Variants in TSPAN2 observed in about 807,000 individuals in gnomAD.
The protein encoded by TSPAN2 is tetraspanin-2.
A neutral mutation model predicts 33.3 loss-of-function variants in TSPAN2; 24 were observed. That is an observed-to-expected ratio of 0.72 (90% CI 0.52 to 1.01). The LOEUF (loss-of-function observed/expected upper bound fraction) is 1.01. Among genes scored for constraint, TSPAN2 ranks in the 50% least tolerant of loss-of-function variants. The pLI, the probability that TSPAN2 is intolerant of heterozygous loss-of-function variation, is 0.00. For synonymous variants in TSPAN2, 114 were observed against 104.5 expected, an observed-to-expected ratio of 1.09 and a Z score of -0.56; for missense variants, 278 against 281.3, an observed-to-expected ratio of 0.99 and a Z score of 0.08.
chr1:115,057,624 A>G lies in TSPAN2; in HGVS notation c.445-16T>C, dbSNP rs745949832. 1 of 1,613,658 alleles carries G rather than the reference A, an allele frequency of 6.2e-7. No individual in the cohort carries two copies. Among genetic ancestry groups the G allele is most frequent in the Non-Finnish European group, 8.5e-7 (1 of 1,179,660 alleles). On this transcript the variant is annotated splice_polypyrimidine_tract_variant and intron_variant, in intron 5 of 7. Coordinates refer to ENST00000369516, the MANE Select transcript of TSPAN2 (RefSeq NM_005725.6). ...AGCACTGAAACTAGAGAGTCAGAAA[A>G]GAGACTTCAGGACCAGGCGGGAGGA...
chr1:115,089,313 C>G, intron 1 of TSPAN2, 51 bp downstream of exon 1: 657 of 1,327,004 alleles, frequency 5.0e-4, no homozygotes, highest in Non-Finnish European at 6.2e-4. Context: ...CGGCCCCGCG[C>G]CCGCCACCCG....
At position 115,062,192 on chromosome 1, in the gene TSPAN2, G is replaced by C; in HGVS notation, c.213C>G (p.Ala71=). 6.3e-7 allele frequency: 1 copy of C among 1,577,250 alleles called. No homozygotes were observed. The highest frequency in any genetic ancestry group is 8.6e-7 in the Non-Finnish European group (1 of 1,159,376). The stretch of plus-strand genomic sequence containing the variant: ...CTCCGCAGCACCCGAAGAACCCCAC[G>C]GCCATCATCAGGGCCCCGGCTCCAA... ...VLVGAGALMM[A]VGFFGCCGAM... Residue 71 remains alanine (A), a synonymous_variant, in exon 3 of 8, where the codon GCC becomes GCG. Transcript: ENST00000369516.
chr1:115,057,450 G>T, intron 6 of TSPAN2, 87 bp downstream of exon 6: 1 of 1,281,672 alleles, frequency 7.8e-7, no homozygotes, highest in Non-Finnish European at 1.1e-6. Flanking sequence ...GTAAAATGCA[G>T]ATCCCATCCG....
chr1:115,089,273 C>A, intron 1 of TSPAN2, 91 bp downstream of exon 1: 1 of 1,206,450 alleles, frequency 8.3e-7, no homozygotes, highest in South Asian at 1.5e-5. Flanking sequence ...GAGCGCGACT[C>A]GGACGCCGCA....
chr1:115,082,213 T>C (rs1214290083), intron 1 of TSPAN2, among the ~76,000 whole-genome samples: 1 of 152,214 alleles, frequency 6.6e-6, no homozygotes, highest in Non-Finnish European at 1.5e-5. Flanking sequence ...TTAATTTAAA[T>C]AGCTACATGT....
intron 1 of TSPAN2, among the ~76,000 whole-genome samples, chr1:115,081,798 A>G (rs1648633951): frequency 6.6e-6 from 1 of 152,184 alleles, no homozygotes; most frequent in Non-Finnish European, 1.5e-5. Flanking sequence ...CTTAATCTTC[A>G]AGATAGGAAA....
intron 7 of TSPAN2, among the ~76,000 whole-genome samples, chr1:115,051,494 C>T (rs1675313052): frequency 6.6e-6 from 1 of 152,174 alleles, no homozygotes. Context: ...ATATCCACTT[C>T]CATGGTTTGA....
chr1:115,081,636 T>C (rs1648628662), intron 1 of TSPAN2, among the ~76,000 whole-genome samples: 1 of 152,212 alleles, frequency 6.6e-6, no homozygotes, highest in Non-Finnish European at 1.5e-5. Context: ...TTAACCTCTC[T>C]AACCCCAGCT....
chr1:115,088,352 C>T (rs1402587232), intron 1 of TSPAN2, among the ~76,000 whole-genome samples: 1 of 152,232 alleles, frequency 6.6e-6, no homozygotes, highest in African/African-American at 2.4e-5. Flanking sequence ...GCACCCAGGC[C>T]CTGGCTGCTC....
At chr1:115,054,394 G>A (rs1647311382) in intron 6 of TSPAN2, among the ~76,000 whole-genome samples, 1 of 152,166 alleles carries the variant, frequency 6.6e-6, no homozygotes, top group Non-Finnish European at 1.5e-5. Flanking sequence ...TAGATGCAGA[G>A]ACAATAGGAT....
chr1:115,071,685 G>C (rs182332312), intron 2 of TSPAN2, among the ~76,000 whole-genome samples: 3 of 152,314 alleles, frequency 2.0e-5, no homozygotes, highest in Admixed American at 1.3e-4. Context: ...TTTACAAAGA[G>C]CCACATCTAA....
chr1:115,072,967 C>T lies in TSPAN2; in HGVS notation c.110G>A (p.Arg37Gln), dbSNP rs760403770. The T allele has an allele frequency of 1.0e-4, 164 of 1,614,160 alleles. No individual in the cohort carries two copies. The highest frequency in any genetic ancestry group is 1.3e-4 in the Non-Finnish European group (152 of 1,180,038). ...TAACTCCTTTATGGCACCTCCGAACCGAAACCATAGTCCAAAAGCAATGAC... is the reference window on the plus strand; with the variant it reads ...TAACTCCTTTATGGCACCTCCGAACTGAAACCATAGTCCAAAAGCAATGAC... ...SAVIAFGLWF[R>Q]FGGAIKELSS... Residue 37 changes from arginine (R) to glutamine (Q), a missense_variant, in exon 2 of 8, where the codon CGG (arginine) becomes CAG (glutamine). Transcript: ENST00000369516.
chr1:115,059,044 A>G, intron 4 of TSPAN2, 63 bp from the exon 5 acceptor site: 1 of 1,213,520 alleles, frequency 8.2e-7, no homozygotes. Flanking sequence ...TTCTCCTTTC[A>G]TCAAGGAAAA....
intron 5 of TSPAN2, among the ~76,000 whole-genome samples, chr1:115,058,677 C>G (rs1414327774): frequency 2.0e-5 from 3 of 152,206 alleles, no homozygotes; most frequent in African/African-American, 7.2e-5. Context: ...TCTTCTGTCT[C>G]TCTTGTGAAC....
At chr1:115,069,267 G>T (rs758381470) in intron 2 of TSPAN2, among the ~76,000 whole-genome samples, 3 of 152,136 alleles carry the variant, frequency 2.0e-5, no homozygotes, top group Non-Finnish European at 4.4e-5. Context: ...TCTCTATTAG[G>T]TAAAGGGAAC....
In TSPAN2 at chr1:115,085,510, A is replaced by G. The variant is rs182491193; in HGVS notation, c.69+3854T>C. On this transcript the variant is annotated intron_variant, in intron 1 of 7. Transcript: ENST00000369516. ...TCTGGCGAGGTTCTGATTGGAAGGA[A>G]GTGCTGTCACCCAAGGAACCCCGTA... Among the ~76,000 whole-genome samples, 553 of 152,240 alleles carry G rather than the reference A, an allele frequency of 3.6e-3. 5 individuals carry two copies. The highest frequency in any genetic ancestry group is 0.014 in the Middle Eastern group (4 of 294).
At chr1:115,083,950 G>A in intron 1 of TSPAN2, among the ~76,000 whole-genome samples, 1 of 152,214 alleles carries the variant, frequency 6.6e-6, no homozygotes, top group East Asian at 1.9e-4. Context: ...AGTGCCTCAA[G>A]ATCAAGGGCT....
intron 2 of TSPAN2, among the ~76,000 whole-genome samples, chr1:115,070,651 C>G (rs987736165): frequency 1.3e-5 from 2 of 151,984 alleles, no homozygotes; most frequent in African/African-American, 2.4e-5. Flanking sequence ...ATTCTTTGTG[C>G]ATGCCTTCCC....
intron 1 of TSPAN2, among the ~76,000 whole-genome samples, chr1:115,086,801 G>T (rs562007349): frequency 6.6e-6 from 1 of 152,248 alleles, no homozygotes; most frequent in East Asian, 1.9e-4. Flanking sequence ...AACAGAATGG[G>T]TCTCAAATTT....
Sources: allele counts gnomAD v4.1 joint callset (sites outside exome capture counted in the v4.1 genomes callset), GRCh38; gene constraint gnomAD v4.1.1; transcripts MANE v1.5; gene names NCBI Gene and HGNC (gene_info 2026-07-23, HGNC 2026-07-21).